Variants in RBFOX3 observed in about 807,000 individuals in gnomAD.
The protein encoded by RBFOX3 is RNA binding protein fox-1 homolog 3.
A neutral mutation model predicts 48.7 loss-of-function variants in RBFOX3; 17 were observed. The observed-to-expected ratio is 0.35, with a 90% confidence interval of 0.24 to 0.52. The LOEUF is 0.52. RBFOX3 is among the 20% of genes least tolerant of loss of function. The pLI, the probability that RBFOX3 is intolerant of heterozygous loss-of-function variation, is 0.94. For missense variants in RBFOX3, 382 were observed against 497.5 expected (o/e 0.77, Z 2.21); for synonymous variants, 212 against 209.5 (o/e 1.01, Z -0.10).
At chr17:79,137,445 T>C (rs2040483568) in intron 4 of RBFOX3, among the ~76,000 whole-genome samples, 1 of 152,148 alleles carries the variant, frequency 6.6e-6, no homozygotes, top group Non-Finnish European at 1.5e-5. Flanking sequence ...TGAGAATCAC[T>C]GACCCAGACA....
At chr17:79,577,025 G>T (rs982758075) in intron 1 of RBFOX3, among the ~76,000 whole-genome samples, 1,611 of 152,148 alleles carry the variant, frequency 0.011, 31 homozygotes, top group African/African-American at 0.037. Flanking sequence ...GATGGAGGGG[G>T]ATTACTCAAG....
In RBFOX3 at chr17:79,379,768, A is replaced by G. The variant is rs529586023; in HGVS notation, c.-174-71944T>C. Among the ~76,000 whole-genome samples, 5 of 152,116 alleles carry G rather than the reference A, an allele frequency of 3.3e-5. No individual in the cohort carries two copies. In the South Asian group the frequency reaches 8.3e-4, roughly 25 times the overall value. On this transcript the variant is annotated intron_variant, in intron 2 of 14. Transcript: ENST00000693108. ...CCCTCACATCCAATTCCCGGTCCAG[A>G]TCGGACTCCAGGGTGTTTCATGATT...
At chr17:79,434,844 G>A (rs968760840) in intron 2 of RBFOX3, among the ~76,000 whole-genome samples, 4 of 152,100 alleles carry the variant, frequency 2.6e-5, no homozygotes, top group East Asian at 1.9e-4. Flanking sequence ...CCGGGGCTAC[G>A]GGGAATCAGG....
rs770210857 is a variant in RBFOX3 at position 79,481,217 on chromosome 17, G to A, written c.-175+1237C>T. 1.3e-5 allele frequency among the ~76,000 whole-genome samples: 2 copies of A among 152,168 alleles called. No homozygotes were observed. The highest frequency in any genetic ancestry group is 6.5e-5 in the Admixed American group (1 of 15,284). On this transcript the variant is annotated intron_variant, in intron 2 of 14. Coordinates refer to ENST00000693108, the MANE Select transcript of RBFOX3 (RefSeq NM_001350451.2). This position sits in a 1 kb window ranked among gnomAD's most constrained non-coding sequence, Gnocchi z 5.4. ...TCTGGTCTCTTTGTCCAGGGTTCTC[G>A]TCGGCATCATCTGCTCAGCCTACAG...
chr17:79,268,766 C>T (rs1019836479), intron 3 of RBFOX3, among the ~76,000 whole-genome samples: 1 of 152,132 alleles, frequency 6.6e-6, no homozygotes, highest in Non-Finnish European at 1.5e-5. Flanking sequence ...CCAGTAGCCC[C>T]CGGACCTCAT....
intron 3 of RBFOX3, among the ~76,000 whole-genome samples, chr17:79,240,435 C>T (rs927281608): frequency 2.6e-5 from 4 of 152,288 alleles, no homozygotes; most frequent in East Asian, 1.9e-4. Flanking sequence ...ACAGAGCAAG[C>T]GGAACGTGGA....
intron 2 of RBFOX3, among the ~76,000 whole-genome samples, chr17:79,399,033 G>A (rs1409902811): frequency 3.3e-5 from 5 of 152,120 alleles, no homozygotes; most frequent in East Asian, 3.9e-4. Flanking sequence ...AGAGAAGGAC[G>A]CATGACGGCA....
At chr17:79,100,569 G>C (rs1173998233) in intron 9 of RBFOX3, among the ~76,000 whole-genome samples, 1 of 152,124 alleles carries the variant, frequency 6.6e-6, no homozygotes, top group Non-Finnish European at 1.5e-5. Flanking sequence ...GTTGTCACCT[G>C]ACTCCACGTA....
At chr17:79,312,622 A>G (rs2077009655) in intron 2 of RBFOX3, among the ~76,000 whole-genome samples, 1 of 152,112 alleles carries the variant, frequency 6.6e-6, no homozygotes, top group African/African-American at 2.4e-5. Context: ...CACAGGGGAG[A>G]GGGCAGACTG....
chr17:79,404,394 G>A lies in RBFOX3; in HGVS notation c.-175+78060C>T, dbSNP rs985662255. ...ATGCAAGGAGTTGGGACCAGAGCAC[G>A]TGTCAAGGAGTCCCAGCCCGCGGGC... On this transcript the variant is annotated intron_variant, in intron 2 of 14. Coordinates refer to ENST00000693108, the MANE Select transcript of RBFOX3 (RefSeq NM_001350451.2). Among the ~76,000 whole-genome samples, 20 of 152,214 alleles carry A rather than the reference G, an allele frequency of 1.3e-4. 1 individual carries two copies. Among genetic ancestry groups the A allele is most frequent in the African/African-American group, 3.9e-4 (16 of 41,444 alleles).
chr17:79,286,321 G>A (rs375085745), intron 3 of RBFOX3, among the ~76,000 whole-genome samples: 2 of 152,168 alleles, frequency 1.3e-5, no homozygotes, highest in Non-Finnish European at 2.9e-5. Flanking sequence ...ACTCAGTGGA[G>A]TGAGGCCACT....
At chr17:79,495,527 GTGC>G (rs2081337311) in intron 1 of RBFOX3, among the ~76,000 whole-genome samples, 1 of 56,620 alleles carries the variant, frequency 1.8e-5, no homozygotes. Flanking sequence ...TGGGGGAGGG[GTGC>G]AGAGGGTGGG....
chr17:79,169,961 G>A (rs59458380), intron 4 of RBFOX3, among the ~76,000 whole-genome samples: 2,245 of 151,818 alleles, frequency 0.015, 58 homozygotes, highest in African/African-American at 0.051. Context: ...AAGAAGGAAG[G>A]AGAGAGGAAG....
intron 2 of RBFOX3, among the ~76,000 whole-genome samples, chr17:79,324,405 G>A (rs1012350561): frequency 6.6e-6 from 1 of 152,212 alleles, no homozygotes; most frequent in African/African-American, 2.4e-5. Flanking sequence ...AGACCCCAGG[G>A]GCTCAGGAAG....
At chr17:79,409,545 G>A (rs1301501737) in intron 2 of RBFOX3, among the ~76,000 whole-genome samples, 1 of 152,210 alleles carries the variant, frequency 6.6e-6, no homozygotes, top group Non-Finnish European at 1.5e-5. Flanking sequence ...CTATGAAGTG[G>A]CTGCCTATTA....
intron 4 of RBFOX3, among the ~76,000 whole-genome samples, chr17:79,158,316 G>A (rs1196658726): frequency 2.0e-5 from 3 of 152,150 alleles, no homozygotes; most frequent in Non-Finnish European, 1.5e-5. Flanking sequence ...CTTACTAGTC[G>A]GCTGGCCCTG....
At chr17:79,532,202 G>C (rs939817120) in intron 1 of RBFOX3, among the ~76,000 whole-genome samples, 68 of 152,260 alleles carry the variant, frequency 4.5e-4, no homozygotes, top group African/African-American at 1.5e-3. Flanking sequence ...GCACTGGAGG[G>C]GGGAGGGGAG....
intron 2 of RBFOX3, among the ~76,000 whole-genome samples, chr17:79,315,358 A>G (rs765819447): frequency 6.6e-5 from 10 of 152,158 alleles, no homozygotes; most frequent in South Asian, 2.1e-4. Context: ...AGCATTCTCC[A>G]TACCGAGAAG....
the RBFOX3 span, among the ~76,000 whole-genome samples, chr17:79,620,415 A>G: frequency 2.6e-3 from 388 of 148,828 alleles, no homozygotes; most frequent in Middle Eastern, 7.4e-3. Flanking sequence ...ACACACGGAC[A>G]TGCACACACG....
Sources: gnomAD v4.1 joint callset for allele counts (sites outside exome capture counted in the v4.1 genomes callset) on GRCh38, gnomAD v4.1.1 for gene constraint, Gnocchi (gnomAD v3.1) non-coding constraint, MANE v1.5 for transcripts, NCBI Gene and HGNC (gene_info 2026-07-23, HGNC 2026-07-21) for gene names.